LRP6: variants seen among roughly 807,000 people sequenced by gnomAD.
LRP6 encodes LDL receptor related protein 6.
LRP6 carries 43 observed loss-of-function variants against 184.1 expected under a neutral mutation model. That is an observed-to-expected ratio of 0.23 (90% CI 0.18 to 0.30). The LOEUF is 0.30. Among genes scored for constraint, LRP6 ranks in the 10% least tolerant of loss-of-function variants. LRP6 has a pLI of 1.00. For synonymous variants in LRP6, 719 were observed against 684.9 expected, an observed-to-expected ratio of 1.05 and a Z score of -0.78; for missense variants, 1,571 against 2,005.3, an observed-to-expected ratio of 0.78 and a Z score of 4.14.
At chr12:12,255,702 C>A (rs184292498) in intron 1 of LRP6, among the ~76,000 whole-genome samples, 175 of 151,730 alleles carry the variant, frequency 1.2e-3, no homozygotes, top group Non-Finnish European at 1.9e-3. Context: ...TCTCAAGCAG[C>A]TGGGATTATA....
chr12:12,148,029 T>A (rs1950033889), intron 14 of LRP6, among the ~76,000 whole-genome samples: 1 of 146,996 alleles, frequency 6.8e-6, no homozygotes, highest in South Asian at 2.1e-4. Flanking sequence ...TATATATATA[T>A]AAATCCTCTT....
chr12:12,215,850 A>G (rs535057436), intron 2 of LRP6, among the ~76,000 whole-genome samples: 1 of 151,548 alleles, frequency 6.6e-6, no homozygotes, highest in East Asian at 2.0e-4. Flanking sequence ...CGTCTCTACT[A>G]AAAATACAAA....
At chr12:12,138,092 AC>A (rs1194093235) in intron 16 of LRP6, among the ~76,000 whole-genome samples, 1 of 151,282 alleles carries the variant, frequency 6.6e-6, no homozygotes, top group Non-Finnish European at 1.5e-5. Context: ...AATCACTTGA[AC>A]CCGGGAGGCA....
intron 2 of LRP6, among the ~76,000 whole-genome samples, chr12:12,238,477 A>C (rs1321840513): frequency 6.6e-6 from 1 of 152,160 alleles, no homozygotes; most frequent in Admixed American, 6.5e-5. Flanking sequence ...ACATCTAGAC[A>C]CAGGGTAGAC....
chr12:12,190,164 T>C lies in LRP6; in HGVS notation c.648-3045A>G, dbSNP rs567437042. The stretch of plus-strand genomic sequence containing the variant: ...ATATAATGATTTGTCCAGCCAACTA[T>C]GACTTGTTCCTGAAAGTAGGGATAA... On this transcript the variant is annotated intron_variant, in intron 3 of 22. Coordinates refer to ENST00000261349, the MANE Select transcript of LRP6 (RefSeq NM_002336.3). Among the ~76,000 whole-genome samples the C allele has an allele frequency of 1.7e-4, 26 of 152,368 alleles. 1 individual carries two copies. The highest frequency in any genetic ancestry group is 6.3e-4 in the African/African-American group (26 of 41,592).
chr12:12,180,210 C>T (rs1863308705), intron 6 of LRP6, among the ~76,000 whole-genome samples: 1 of 149,248 alleles, frequency 6.7e-6, no homozygotes, highest in Admixed American at 6.7e-5. Context: ...CCTGAAAATG[C>T]CTCCCAATAA....
chr12:12,211,488 G>T (rs568701091), intron 2 of LRP6, among the ~76,000 whole-genome samples: 1 of 152,108 alleles, frequency 6.6e-6, no homozygotes, highest in African/African-American at 2.4e-5. Flanking sequence ...GGTTTGGGAC[G>T]GTAAGATGAT....
chr12:12,219,522 A>G (rs1202242401), intron 2 of LRP6, among the ~76,000 whole-genome samples: 1 of 152,062 alleles, frequency 6.6e-6, no homozygotes, highest in Non-Finnish European at 1.5e-5. Context: ...CCGCTTTTGT[A>G]TCTACCATTG....
At position 12,130,702 on chromosome 12, in the gene LRP6, G is replaced by A. The variant is rs536074737; in HGVS notation, c.4081+81C>T. Reference sequence around the variant, plus strand: ...ACTTATTACTTAGAAAGGAAATCTCGATAAGTAAACCTCACACATAAGAAA... The same window carrying A: ...ACTTATTACTTAGAAAGGAAATCTCAATAAGTAAACCTCACACATAAGAAA... On this transcript the variant is annotated intron_variant, in intron 19 of 22. Transcript: ENST00000261349. The A allele has an allele frequency of 1.1e-4, 89 of 806,606 alleles. No homozygotes were observed. The Middle Eastern group carries it at 4.0e-3, about 36-fold the overall frequency. 50.0% of individuals were successfully genotyped at this position (806,606 alleles called of 1,614,324 possible).
chr12:12,223,051 C>G (rs976717408), intron 2 of LRP6, among the ~76,000 whole-genome samples: 1 of 151,862 alleles, frequency 6.6e-6, no homozygotes, highest in African/African-American at 2.4e-5. Flanking sequence ...TTTAAATCAT[C>G]CTCCCAGACT....
At chr12:12,129,403 G>A (rs1441532268) in intron 19 of LRP6, among the ~76,000 whole-genome samples, 4 of 152,114 alleles carry the variant, frequency 2.6e-5, no homozygotes, top group Non-Finnish European at 5.9e-5. Context: ...CCTCAACAGA[G>A]CCTGTATTTT....
At chr12:12,154,627 G>T (rs1354562765) in intron 12 of LRP6, among the ~76,000 whole-genome samples, 2 of 152,166 alleles carry the variant, frequency 1.3e-5, no homozygotes, top group African/African-American at 2.4e-5. Flanking sequence ...CAACTCGGAA[G>T]ATTGAGGTGG....
Position 12,186,954 on chromosome 12 carries a change from T to G in LRP6, c.813A>C (p.Ile271=). The change falls in exon 4 of 23, where the codon ATA becomes ATC. Residue 271 remains isoleucine, a synonymous_variant. Coordinates refer to ENST00000261349, the MANE Select transcript of LRP6 (RefSeq NM_002336.3). ...IHSDIFSPMD[I]HAFSQQRQPN... is the part of the protein sequence containing the mutation. ...GCTGCCTCTGTTGGCTGAAGGCATG[T>G]ATATCCATGGGAGAGAAGATGTCAG... 1 of 1,614,188 alleles carries G rather than the reference T, an allele frequency of 6.2e-7. No individual in the cohort carries two copies. Among genetic ancestry groups the G allele is most frequent in the Non-Finnish European group, 8.5e-7 (1 of 1,180,020 alleles).
In LRP6 at chr12:12,179,843, T is replaced by A. The variant is rs774265768; in HGVS notation, c.1512A>T (p.Ile504=). The part of the protein sequence containing the change: ...GLALDYDEGK[I]YWGDAKTDKI... ...TGTCTGTTTTGGCATCTCCCCAGTA[T>A]ATTTTGCCTTCATCATAATCCAAGG... is the stretch of plus-strand genomic sequence containing the variant. Residue 504 remains isoleucine, a synonymous_variant, in exon 7 of 23, where the codon ATA becomes ATT. Coordinates refer to ENST00000261349, the MANE Select transcript of LRP6 (RefSeq NM_002336.3). 3 of 1,613,922 alleles carry A rather than the reference T, an allele frequency of 1.9e-6. No homozygotes were observed. The highest frequency in any genetic ancestry group is 1.7e-6 in the Non-Finnish European group (2 of 1,179,846).
At chr12:12,170,797 A>T (rs1467744956) in intron 7 of LRP6, among the ~76,000 whole-genome samples, 4 of 113,286 alleles carry the variant, frequency 3.5e-5, no homozygotes, top group East Asian at 5.4e-4. Flanking sequence ...TACTTCACAC[A>T]CACACACACA....
intron 19 of LRP6, 79 bp downstream of exon 19, chr12:12,130,704 T>C (rs868405307): frequency 3.7e-6 from 3 of 815,258 alleles, no homozygotes; most frequent in Middle Eastern, 2.2e-4. Flanking sequence ...GAAATCTCGA[T>C]AAGTAAACCT....
rs1185709425 is a variant in LRP6 at position 12,143,159 on chromosome 12, T to C, written c.3397+4207A>G. ...ATAAAACATTAAGTTTAGAATAGTCTTTACCACTAGCGTTTAAAAGCACCA... is the reference window on the plus strand; with the variant it reads ...ATAAAACATTAAGTTTAGAATAGTCCTTACCACTAGCGTTTAAAAGCACCA... On this transcript the variant is annotated intron_variant, in intron 15 of 22. Transcript: ENST00000261349. 2.6e-5 allele frequency among the ~76,000 whole-genome samples: 4 copies of C among 152,272 alleles called. No homozygotes were observed. The East Asian group carries it at 7.7e-4, about 29-fold the overall frequency.
intron 3 of LRP6, among the ~76,000 whole-genome samples, chr12:12,191,393 T>C (rs1419582463): frequency 2.0e-5 from 3 of 152,166 alleles, no homozygotes; most frequent in Non-Finnish European, 4.4e-5. Flanking sequence ...TCCAGAAAGC[T>C]AGCTGCCATT....
At chr12:12,245,695 T>C (rs1190946267) in intron 1 of LRP6, among the ~76,000 whole-genome samples, 2 of 152,208 alleles carry the variant, frequency 1.3e-5, no homozygotes, top group Non-Finnish European at 1.5e-5. Flanking sequence ...AAACTAAATA[T>C]AAAGCCAATC....
Sources: allele counts gnomAD v4.1 joint callset (sites outside exome capture counted in the v4.1 genomes callset), GRCh38; gene constraint gnomAD v4.1.1; transcripts MANE v1.5; gene names NCBI Gene and HGNC (gene_info 2026-07-23, HGNC 2026-07-21).